The following ABHD12 variants were observed in gnomAD, a reference collection of about 807,000 sequenced individuals.
ABHD12 encodes the protein abhydrolase domain containing 12, lysophospholipase, also known as lysophosphatidylserine lipase ABHD12.
ABHD12 carries 43 observed loss-of-function variants against 58.3 expected under a neutral mutation model. The ratio of observed to expected loss-of-function variants is 0.74; its 90% CI spans 0.58 to 0.95. The LOEUF (loss-of-function observed/expected upper bound fraction) is 0.95. Ranked by LOEUF, ABHD12 falls within the 40% of genes least tolerant of loss-of-function variation. The pLI, the probability that ABHD12 is intolerant of heterozygous loss-of-function variation, is 0.00. For missense variants in ABHD12, 539 were observed against 537.2 expected (o/e 1.00, Z -0.03); for synonymous variants, 219 against 211.2 (o/e 1.04, Z -0.32).
chr20:25,308,115 T>C, intron 8 of ABHD12, 70 bp from the exon 9 acceptor site: 3 of 1,116,960 alleles, frequency 2.7e-6, no homozygotes, highest in Non-Finnish European at 4.1e-6. Context: ...TGTGGGGCTC[T>C]GAGGGGCCCC....
chr20:25,307,319 A>G (rs2088762922), intron 9 of ABHD12, among the ~76,000 whole-genome samples: 1 of 152,264 alleles, frequency 6.6e-6, no homozygotes. Context: ...AGCACCAAAA[A>G]GTAAGATAAG....
chr20:25,346,141 A>G (rs971713007), intron 1 of ABHD12, among the ~76,000 whole-genome samples: 2 of 152,248 alleles, frequency 1.3e-5, no homozygotes, highest in Non-Finnish European at 2.9e-5. Flanking sequence ...AACAGAAATC[A>G]GCAATCAAGC....
Position 25,300,647 on chromosome 20 carries a change from C to T in ABHD12, c.*198G>A, listed in dbSNP as rs541519128. 2.0e-6 allele frequency: 3 copies of T among 1,471,008 alleles called. No homozygotes were observed. The highest frequency in any genetic ancestry group is 2.7e-5 in the South Asian group (2 of 72,822). 91.1% of individuals were successfully genotyped at this position (1,471,008 alleles called of 1,614,324 possible). On this transcript the variant is annotated 3_prime_UTR_variant, in exon 13 of 13. Coordinates refer to ENST00000339157, the MANE Select transcript of ABHD12 (RefSeq NM_001042472.3). The stretch of plus-strand genomic sequence containing the variant: ...ACATGCCTGCCACCCACGCTTTCCA[C>T]ACAGCCATGCTCAGGCCTCCGGGCA...
At chr20:25,322,364 T>TAG (rs1448536207) in intron 3 of ABHD12, among the ~76,000 whole-genome samples, 28 of 54,070 alleles carry the variant, frequency 5.2e-4, no homozygotes, top group Non-Finnish European at 8.2e-4. Context: ...TTGGAAAAGA[T>TAG]ATATATATAT....
intron 1 of ABHD12, among the ~76,000 whole-genome samples, chr20:25,382,964 T>C (rs2090040179): frequency 6.6e-6 from 1 of 152,030 alleles, no homozygotes; most frequent in African/African-American, 2.4e-5. Flanking sequence ...TATGGCGCCA[T>C]AAACAAAGCC....
At position 25,390,791 on chromosome 20, in the gene ABHD12, G is replaced by T; in HGVS notation, c.-88C>A. On this transcript the variant is annotated 5_prime_UTR_variant, in exon 1 of 13. Transcript: ENST00000339157. ...CACAGCCGCCGCCACCCAGAGCCCGGAGCCCGGAACCCGCCGCTCCTCACA... is the reference window on the plus strand; with the variant it reads ...CACAGCCGCCGCCACCCAGAGCCCGTAGCCCGGAACCCGCCGCTCCTCACA... 1.1e-6 allele frequency: 1 copy of T among 949,622 alleles called. No homozygotes were observed. Among genetic ancestry groups the T allele is most frequent in the South Asian group, 4.4e-5 (1 of 22,828 alleles). 58.8% of individuals were successfully genotyped at this position (949,622 alleles called of 1,614,324 possible). A position where few individuals can be genotyped will look rare whatever the true frequency, so the allele number is the denominator to read the frequency against.
intron 8 of ABHD12, 57 bp from the exon 9 acceptor site, chr20:25,308,102 G>T: frequency 8.2e-7 from 1 of 1,224,294 alleles, no homozygotes; most frequent in Non-Finnish European, 1.2e-6. Context: ...CATACATGTG[G>T]CCTGTGGGGC....
intron 1 of ABHD12, 145 bp from the exon 2 acceptor site, chr20:25,339,496 C>T: frequency 3.6e-6 from 5 of 1,408,068 alleles, no homozygotes; most frequent in Admixed American, 3.9e-5. Context: ...AAGTAGCCTC[C>T]CACCTGCCTT....
intron 1 of ABHD12, among the ~76,000 whole-genome samples, chr20:25,386,806 G>A (rs1039093790): frequency 1.3e-5 from 2 of 151,930 alleles, no homozygotes; most frequent in East Asian, 3.9e-4. Flanking sequence ...GCTTGAACCT[G>A]GGAGGCAGAA....
chr20:25,349,450 C>T (rs2089569263), intron 1 of ABHD12, among the ~76,000 whole-genome samples: 1 of 152,122 alleles, frequency 6.6e-6, no homozygotes, highest in African/African-American at 2.4e-5. Context: ...ATGTTCATAG[C>T]AGCATTATTC....
chr20:25,349,230 C>A (rs2089565844), intron 1 of ABHD12, among the ~76,000 whole-genome samples: 1 of 151,924 alleles, frequency 6.6e-6, no homozygotes, highest in African/African-American at 2.4e-5. Context: ...AGCAAACTAC[C>A]AAGAGTTTCA....
intron 1 of ABHD12, among the ~76,000 whole-genome samples, chr20:25,372,691 A>G (rs776211658): frequency 6.6e-6 from 1 of 152,198 alleles, no homozygotes; most frequent in Non-Finnish European, 1.5e-5. Context: ...CACTTATACA[A>G]TGGTTGTCCC....
intron 1 of ABHD12, among the ~76,000 whole-genome samples, chr20:25,389,396 A>G (rs1328205802): frequency 6.6e-6 from 1 of 152,194 alleles, no homozygotes; most frequent in African/African-American, 2.4e-5. Context: ...ACTTTTCCTT[A>G]GGAGCGATAC....
intron 4 of ABHD12, among the ~76,000 whole-genome samples, chr20:25,319,871 C>T (rs1568725404): frequency 6.6e-6 from 1 of 152,236 alleles, no homozygotes; most frequent in Non-Finnish European, 1.5e-5. Context: ...CCTCCTTCAT[C>T]CCAATCCAGG....
At chr20:25,350,907 T>A (rs1278632568) in intron 1 of ABHD12, among the ~76,000 whole-genome samples, 1 of 150,522 alleles carries the variant, frequency 6.6e-6, no homozygotes, top group East Asian at 2.0e-4. Context: ...CCAGAGCATT[T>A]AAAAAAAAGC....
In ABHD12 at chr20:25,344,141, AAAC is replaced by A. The variant is rs2089489150; in HGVS notation, c.192-4793_192-4791del. Among the ~76,000 whole-genome samples the A allele has an allele frequency of 1.3e-5, 2 of 152,218 alleles. 1 individual carries two copies. Among genetic ancestry groups the A allele is most frequent in the Admixed American group, 1.3e-4 (2 of 15,282 alleles). On this transcript the variant is annotated intron_variant, in intron 1 of 12. Transcript: ENST00000339157. ...TCCTCAACTTGATAATATCTACAAA[AAAC>A]AGTTAACATCTTACTTAATGATGAA...
At chr20:25,369,152 G>A (rs1175523372) in intron 1 of ABHD12, among the ~76,000 whole-genome samples, 1 of 152,076 alleles carries the variant, frequency 6.6e-6, no homozygotes, top group Non-Finnish European at 1.5e-5. Flanking sequence ...ATCCTAATTG[G>A]TGTGAGGTGG....
At chr20:25,308,571 G>T in intron 7 of ABHD12, 77 bp from the exon 8 acceptor site, 1 of 1,503,458 alleles carries the variant, frequency 6.7e-7, no homozygotes, top group Non-Finnish European at 9.1e-7. Flanking sequence ...GCTGGAAAGT[G>T]CTCAGAGGAG....
At chr20:25,374,802 C>T (rs1600872070) in intron 1 of ABHD12, among the ~76,000 whole-genome samples, 1 of 152,240 alleles carries the variant, frequency 6.6e-6, no homozygotes, top group African/African-American at 2.4e-5. Flanking sequence ...GCCCAGCCTA[C>T]AGTGTTTTAA....
Sources: gnomAD v4.1 joint callset for allele counts (sites outside exome capture counted in the v4.1 genomes callset) on GRCh38, gnomAD v4.1.1 for gene constraint, MANE v1.5 for transcripts, NCBI Gene and HGNC (gene_info 2026-07-23, HGNC 2026-07-21) for gene names.